ARHGAP39: variants seen among roughly 807,000 people sequenced by gnomAD.
The protein encoded by ARHGAP39 is Rho GTPase activating protein 39, also known as rho GTPase-activating protein 39.
ARHGAP39 carries 44 observed loss-of-function variants against 106.9 expected under a neutral mutation model. The ratio of observed to expected loss-of-function variants is 0.41; its 90% CI spans 0.32 to 0.53. The LOEUF is 0.53. ARHGAP39 is among the 20% of genes least tolerant of loss of function. ARHGAP39 has a pLI of 0.21. For missense variants in ARHGAP39, 1,496 were observed against 1,577.3 expected (o/e 0.95, Z 0.87); for synonymous variants, 768 against 693.2 (o/e 1.11, Z -1.69).
chr8:144,534,035 C>T (rs528070923), intron 8 of ARHGAP39, 94 bp downstream of exon 8: 289 of 1,426,840 alleles, frequency 2.0e-4, no homozygotes, highest in Non-Finnish European at 2.7e-4. Flanking sequence ...GCGCTGCTGC[C>T]CCATACCAAA....
chr8:144,541,139 C>T (rs962455058), intron 6 of ARHGAP39, among the ~76,000 whole-genome samples: 5 of 152,236 alleles, frequency 3.3e-5, no homozygotes, highest in South Asian at 2.1e-4. Flanking sequence ...GCGTGAGCCA[C>T]CGCGCCTGGA....
intron 2 of ARHGAP39, among the ~76,000 whole-genome samples, chr8:144,584,872 G>A (rs929966638): frequency 6.6e-6 from 1 of 152,140 alleles, no homozygotes; most frequent in African/African-American, 2.4e-5. Flanking sequence ...TCTTAGTTAC[G>A]TGGCTTTGTA....
intron 1 of ARHGAP39, among the ~76,000 whole-genome samples, chr8:144,617,401 C>T (rs1489968826): frequency 1.4e-5 from 2 of 140,952 alleles, no homozygotes; most frequent in African/African-American, 4.9e-5. Flanking sequence ...CACCGCAAAC[C>T]AGGAGACCTG....
chr8:144,676,389 T>C (rs1001671733), intron 1 of ARHGAP39, among the ~76,000 whole-genome samples: 2 of 151,812 alleles, frequency 1.3e-5, no homozygotes, highest in African/African-American at 4.8e-5. Context: ...CACTGATTGG[T>C]GCGTTTACAA....
intron 1 of ARHGAP39, among the ~76,000 whole-genome samples, chr8:144,659,234 A>G (rs1176338955): frequency 6.6e-6 from 1 of 152,202 alleles, no homozygotes; most frequent in Non-Finnish European, 1.5e-5. Flanking sequence ...CTAGATAACC[A>G]GCAACATGCT....
chr8:144,545,351 G>T lies in ARHGAP39; in HGVS notation c.2419C>A (p.Leu807Ile). The T allele has an allele frequency of 6.2e-7, 1 of 1,601,610 alleles. No individual in the cohort carries two copies. Residue 807 changes from leucine (L) to isoleucine (I), a missense_variant, in exon 6 of 12, where the codon CTC becomes ATC. Leu to Ile is a conservative substitution (Grantham distance 5, BLOSUM62 2). Around this residue, in one of 4 missense-constraint regions of ARHGAP39, gnomAD observed 470 missense variants for 605.1 expected, o/e 0.78. Coordinates refer to ENST00000377307, the MANE Select transcript of ARHGAP39 (RefSeq NM_025251.3). ...RLESLARGWE[L>I]MAICLAFFPP... ...AAAAAGGCCAGGCAGATGGCCATGAGCTCCCAGCCGCGGGCCAGGCTCTCC... is the reference window on the plus strand; with the variant it reads ...AAAAAGGCCAGGCAGATGGCCATGATCTCCCAGCCGCGGGCCAGGCTCTCC...
Position 144,605,514 on chromosome 8 carries a change from G to A in ARHGAP39, c.80+21C>T, listed in dbSNP as rs765643492. ...CCACTCGTGAGGCCCGGGCAGCTCC[G>A]CAGGTCGGTCGGCTCCTTACCGAGT... On this transcript the variant is annotated intron_variant, in intron 2 of 11. Transcript: ENST00000377307. The A allele has an allele frequency of 9.3e-6, 15 of 1,612,980 alleles. No homozygotes were observed. The East Asian group carries it at 1.6e-4, about 17-fold the overall frequency.
chr8:144,674,546 T>C (rs1370836399), intron 1 of ARHGAP39, among the ~76,000 whole-genome samples: 1 of 152,220 alleles, frequency 6.6e-6, no homozygotes, highest in Non-Finnish European at 1.5e-5. Flanking sequence ...AAACTCTTAC[T>C]CTGGTCCATG....
chr8:144,692,552 C>T, the ARHGAP39 span, among the ~76,000 whole-genome samples: 3 of 152,068 alleles, frequency 2.0e-5, no homozygotes, highest in Admixed American at 6.6e-5. Flanking sequence ...ATGACATCAG[C>T]GACCACTGAA....
chr8:144,692,746 T>C, the ARHGAP39 span, among the ~76,000 whole-genome samples: 1 of 143,558 alleles, frequency 7.0e-6, no homozygotes, highest in Non-Finnish European at 1.5e-5. Flanking sequence ...TATTGTAAAA[T>C]TCTTTTTTTT....
At chr8:144,538,851 G>T (rs2130826781) in intron 6 of ARHGAP39, among the ~76,000 whole-genome samples, 1 of 151,744 alleles carries the variant, frequency 6.6e-6, no homozygotes, top group East Asian at 2.0e-4. Flanking sequence ...GATTACAGGT[G>T]TGAGCCACTG....
rs985945047 is a variant in ARHGAP39, at chr8:144,646,857, G to A, written c.-82+38829C>T. ...CCACACTTGCTGCAGACGAGGGTCCGGGACCAGACACGCCCAGAGGGCCCC... is the reference window on the plus strand; with the variant it reads ...CCACACTTGCTGCAGACGAGGGTCCAGGACCAGACACGCCCAGAGGGCCCC... On this transcript the variant is annotated intron_variant, in intron 1 of 11. Coordinates refer to ENST00000377307, the MANE Select transcript of ARHGAP39 (RefSeq NM_025251.3). This position sits in a 1 kb window ranked among gnomAD's most constrained non-coding sequence, Gnocchi z 5.7. Among the ~76,000 whole-genome samples, 3 of 152,136 alleles carry A rather than the reference G, an allele frequency of 2.0e-5. No homozygotes were observed. The highest frequency in any genetic ancestry group is 4.8e-5 in the African/African-American group (2 of 41,426).
At chr8:144,622,109 C>A (rs1820821583) in intron 1 of ARHGAP39, among the ~76,000 whole-genome samples, 1 of 152,188 alleles carries the variant, frequency 6.6e-6, no homozygotes, top group African/African-American at 2.4e-5. Flanking sequence ...AAAACACACA[C>A]AAGACTGAGC....
chr8:144,691,018 G>A, the ARHGAP39 span, among the ~76,000 whole-genome samples: 1 of 152,098 alleles, frequency 6.6e-6, no homozygotes, highest in East Asian at 1.9e-4. Flanking sequence ...CCTCAAAGCA[G>A]ACTGAGCCAC....
At chr8:144,579,511 C>T (rs1171617662) in intron 3 of ARHGAP39, among the ~76,000 whole-genome samples, 3 of 152,118 alleles carry the variant, frequency 2.0e-5, no homozygotes, top group Non-Finnish European at 2.9e-5. Flanking sequence ...ACCGTCTTCC[C>T]GGTGTGCTCC....
chr8:144,693,058 CTT>C, the ARHGAP39 span, among the ~76,000 whole-genome samples: 57 of 86,794 alleles, frequency 6.6e-4, no homozygotes, highest in South Asian at 2.9e-3. Context: ...TGCGCCCGGC[CTT>C]TTTTTTTTTT....
intron 1 of ARHGAP39, among the ~76,000 whole-genome samples, chr8:144,608,656 T>C (rs1004880462): frequency 5.3e-5 from 8 of 152,378 alleles, no homozygotes; most frequent in Non-Finnish European, 7.3e-5. Flanking sequence ...GGGATTTTGA[T>C]TGCAGTTGTG....
chr8:144,640,824 A>G (rs1821293767), intron 1 of ARHGAP39, among the ~76,000 whole-genome samples: 1 of 152,168 alleles, frequency 6.6e-6, no homozygotes, highest in Admixed American at 6.5e-5. Flanking sequence ...ATAAATAGCC[A>G]TTAGGTATTA....
the ARHGAP39 span, among the ~76,000 whole-genome samples, chr8:144,692,305 A>G: frequency 6.6e-6 from 1 of 152,024 alleles, no homozygotes; most frequent in Non-Finnish European, 1.5e-5. Flanking sequence ...CTTGGCACCA[A>G]CCCTGGCACT....
Sources: allele counts gnomAD v4.1 joint callset (sites outside exome capture counted in the v4.1 genomes callset), GRCh38; gene constraint gnomAD v4.1.1; regional missense constraint gnomAD v4.1.1; non-coding constraint Gnocchi (gnomAD v3.1); transcripts MANE v1.5; gene names NCBI Gene and HGNC (gene_info 2026-07-23, HGNC 2026-07-21).